The following NELL1 variants were observed in gnomAD, a reference collection of about 807,000 sequenced individuals.
NELL1 encodes protein kinase C-binding protein NELL1.
Under a neutral mutation model 107.4 loss-of-function variants are expected in NELL1, and 76 were observed. The observed-to-expected ratio is 0.71, with a 90% CI of 0.59 to 0.86. The LOEUF (loss-of-function observed/expected upper bound fraction) is 0.86. Among genes scored for constraint, NELL1 ranks in the 40% least tolerant of loss-of-function variants. The pLI is 0.00. For synonymous variants in NELL1, 353 were observed against 341.2 expected (o/e 1.03, Z -0.38); for missense variants, 1,024 against 1,005.5 (o/e 1.02, Z -0.25).
At chr11:21,014,367 T>C (rs748920888) in intron 12 of NELL1, among the ~76,000 whole-genome samples, 32 of 152,110 alleles carry the variant, frequency 2.1e-4, no homozygotes, top group Admixed American at 1.3e-4. Flanking sequence ...GTTCACACTG[T>C]AAATTCTGTT....
At chr11:21,528,332 G>T (rs112219512) in intron 15 of NELL1, among the ~76,000 whole-genome samples, 61 of 152,154 alleles carry the variant, frequency 4.0e-4, no homozygotes, top group East Asian at 1.2e-3. Context: ...GTGTTAGGAG[G>T]GGGGCCGAGT....
At chr11:21,275,106 C>A (rs61886265) in intron 14 of NELL1, among the ~76,000 whole-genome samples, 27,353 of 152,034 alleles carry the variant, frequency 0.18, 2,880 homozygotes, top group Middle Eastern at 0.27. Flanking sequence ...ATCAATGAAT[C>A]CAGGAGCTGG....
chr11:20,994,117 A>G (rs1447987157), intron 12 of NELL1, among the ~76,000 whole-genome samples: 1 of 152,356 alleles, frequency 6.6e-6, no homozygotes, highest in Non-Finnish European at 1.5e-5. Flanking sequence ...GCATTTCTAT[A>G]GCATAAACAG....
At chr11:21,348,793 G>A (rs958098049) in intron 14 of NELL1, among the ~76,000 whole-genome samples, 1 of 152,106 alleles carries the variant, frequency 6.6e-6, no homozygotes, top group African/African-American at 2.4e-5. Flanking sequence ...AAATGGGGAA[G>A]GAATTACAGA....
At chr11:21,502,640 G>A (rs1006120890) in intron 15 of NELL1, among the ~76,000 whole-genome samples, 2 of 152,108 alleles carry the variant, frequency 1.3e-5, no homozygotes, top group Admixed American at 1.3e-4. Context: ...TTGTCATTGT[G>A]GTTGTCCTAC....
intron 14 of NELL1, among the ~76,000 whole-genome samples, chr11:21,290,560 C>G (rs189127992): frequency 6.6e-4 from 101 of 152,224 alleles, no homozygotes; most frequent in Non-Finnish European, 1.3e-3. Flanking sequence ...AGACACATCC[C>G]AGGAGGGGTT....
At chr11:21,121,638 C>T (rs1272158145) in intron 13 of NELL1, among the ~76,000 whole-genome samples, 1 of 151,996 alleles carries the variant, frequency 6.6e-6, no homozygotes, top group Admixed American at 6.6e-5. Context: ...TTTCAGTGAC[C>T]CCACTATCTC....
chr11:21,073,921 AAAC>A (rs1338440307), intron 12 of NELL1, among the ~76,000 whole-genome samples: 1 of 152,156 alleles, frequency 6.6e-6, no homozygotes. Flanking sequence ...TCTTTTAGGC[AAAC>A]AACAACAACA....
intron 12 of NELL1, among the ~76,000 whole-genome samples, chr11:21,105,765 C>G (rs1854939344): frequency 6.7e-6 from 1 of 149,432 alleles, no homozygotes; most frequent in Non-Finnish European, 1.5e-5. Context: ...ACTCCTATAT[C>G]ATTACCTCTC....
chr11:21,136,532 G>GTAT (rs1855747389), intron 13 of NELL1, among the ~76,000 whole-genome samples: 1 of 152,104 alleles, frequency 6.6e-6, no homozygotes, highest in African/African-American at 2.4e-5. Context: ...GGGTAGTTGG[G>GTAT]TATTGTTGAG....
intron 14 of NELL1, among the ~76,000 whole-genome samples, chr11:21,304,855 C>T (rs528580269): frequency 6.6e-6 from 1 of 151,964 alleles, no homozygotes; most frequent in East Asian, 1.9e-4. Context: ...TAATATGATG[C>T]ACACTTTTTA....
chr11:20,884,233 C>T (rs1849462381), intron 4 of NELL1, among the ~76,000 whole-genome samples: 2 of 152,178 alleles, frequency 1.3e-5, no homozygotes, highest in African/African-American at 4.8e-5. Flanking sequence ...CACTCACTTT[C>T]CTTGACACAA....
At chr11:21,210,600 A>G (rs988246421) in intron 13 of NELL1, among the ~76,000 whole-genome samples, 1 of 152,124 alleles carries the variant, frequency 6.6e-6, no homozygotes, top group Non-Finnish European at 1.5e-5. Flanking sequence ...TTGCTTGCTA[A>G]AAGTTCTTTA....
chr11:21,534,613 C>A, intron 16 of NELL1, 99 bp downstream of exon 16: 2 of 1,268,776 alleles, frequency 1.6e-6, no homozygotes, highest in Admixed American at 1.9e-5. Context: ...AAAATATGAC[C>A]ATTCATTGGT....
chr11:20,959,958 G>T (rs1043536869), intron 11 of NELL1, among the ~76,000 whole-genome samples: 1 of 152,220 alleles, frequency 6.6e-6, no homozygotes, highest in African/African-American at 2.4e-5. Context: ...CTGCAAGGGA[G>T]TGATTAGCTC....
intron 14 of NELL1, among the ~76,000 whole-genome samples, chr11:21,285,681 C>T (rs1297099508): frequency 1.3e-5 from 2 of 152,140 alleles, no homozygotes; most frequent in South Asian, 2.1e-4. Context: ...GGCACTAGAC[C>T]CACAACATTT....
At chr11:21,513,902 T>C (rs1300463906) in intron 15 of NELL1, among the ~76,000 whole-genome samples, 1 of 152,178 alleles carries the variant, frequency 6.6e-6, no homozygotes, top group Non-Finnish European at 1.5e-5. Flanking sequence ...CTGGTGAGTA[T>C]GTTAGAGTGA....
intron 2 of NELL1, among the ~76,000 whole-genome samples, chr11:20,752,666 G>A (rs1305193375): frequency 6.6e-6 from 1 of 152,190 alleles, no homozygotes; most frequent in Admixed American, 6.5e-5. Flanking sequence ...TTTGGAAGTA[G>A]TCATTTCAAC....
At chr11:21,097,002 C>T (rs75024767) in intron 12 of NELL1, among the ~76,000 whole-genome samples, 13,272 of 152,124 alleles carry the variant, frequency 0.087, 659 homozygotes, top group Admixed American at 0.13. Context: ...CAGGCACGAG[C>T]CACCACCCCT....
Sources: gnomAD v4.1 joint callset for allele counts (sites outside exome capture counted in the v4.1 genomes callset) on GRCh38, gnomAD v4.1.1 for gene constraint, MANE v1.5 for transcripts, NCBI Gene and HGNC (gene_info 2026-07-23, HGNC 2026-07-21) for gene names.